HPSE2: variants seen among roughly 807,000 people sequenced by gnomAD.
HPSE2 encodes the protein inactive heparanase-2.
A neutral mutation model predicts 60.5 loss-of-function variants in HPSE2; 38 were observed. The ratio of observed to expected loss-of-function variants is 0.63; its 90% CI spans 0.48 to 0.82. HPSE2 has a LOEUF of 0.82. HPSE2 is among the 40% of genes least tolerant of loss of function. The probability of loss-of-function intolerance (pLI) is 0.00; values close to 1 mark genes in which losing one functional copy is unlikely to be tolerated. For missense variants in HPSE2, 713 were observed against 740.4 expected, an observed-to-expected ratio of 0.96 and a Z score of 0.43; for synonymous variants, 295 against 293.2, an observed-to-expected ratio of 1.01 and a Z score of -0.06.
chr10:99,244,380 C>CTTTTAT, the HPSE2 span, among the ~76,000 whole-genome samples: 34 of 101,758 alleles, frequency 3.3e-4, no homozygotes, highest in East Asian at 9.1e-3. Context: ...ATTTTTATTT[C>CTTTTAT]TTTTATTATT....
chr10:99,315,768 A>G, the HPSE2 span, among the ~76,000 whole-genome samples: 1 of 152,214 alleles, frequency 6.6e-6, no homozygotes, highest in Non-Finnish European at 1.5e-5. Flanking sequence ...GCAGAACTGC[A>G]AGTCCCAATA....
At chr10:98,908,553 C>T (rs1285232988) in intron 3 of HPSE2, among the ~76,000 whole-genome samples, 4 of 151,766 alleles carry the variant, frequency 2.6e-5, no homozygotes, top group African/African-American at 4.8e-5. Flanking sequence ...CATGGTGGTG[C>T]ATGCCTGTAA....
At chr10:99,300,218 G>A in the HPSE2 span, among the ~76,000 whole-genome samples, 2 of 152,020 alleles carry the variant, frequency 1.3e-5, no homozygotes, top group Admixed American at 1.3e-4. Context: ...GAACGCCACT[G>A]AAAGAAAGAC....
chr10:98,543,305 C>A (rs11528115), intron 9 of HPSE2, among the ~76,000 whole-genome samples: 68,760 of 151,896 alleles, frequency 0.45, 18,594 homozygotes, highest in South Asian at 0.6. Flanking sequence ...ACCAGGCCTG[C>A]CGTAAAAGAG....
chr10:98,812,871 T>C (rs988852011), intron 3 of HPSE2, among the ~76,000 whole-genome samples: 2 of 152,184 alleles, frequency 1.3e-5, no homozygotes, highest in African/African-American at 4.8e-5. Flanking sequence ...CCCTGAAAGT[T>C]CTAAATCTGT....
At chr10:99,196,755 T>C (rs1441194037) in intron 2 of HPSE2, among the ~76,000 whole-genome samples, 1 of 152,074 alleles carries the variant, frequency 6.6e-6, no homozygotes, top group Non-Finnish European at 1.5e-5. Flanking sequence ...TCCTTGTACA[T>C]TGCTGGTGCT....
intron 9 of HPSE2, among the ~76,000 whole-genome samples, chr10:98,610,496 C>T (rs1190405178): frequency 6.6e-6 from 1 of 152,128 alleles, no homozygotes; most frequent in Non-Finnish European, 1.5e-5. Flanking sequence ...TACTCCAATC[C>T]ATGACCAATG....
chr10:98,500,627 A>G (rs1050028529), intron 9 of HPSE2, among the ~76,000 whole-genome samples: 1 of 152,192 alleles, frequency 6.6e-6, no homozygotes, highest in African/African-American at 2.4e-5. Flanking sequence ...TAGAGAAGCA[A>G]GAACAAACCA....
chr10:99,125,152 CA>C (rs1436316130), intron 3 of HPSE2, among the ~76,000 whole-genome samples: 3 of 152,300 alleles, frequency 2.0e-5, no homozygotes, highest in African/African-American at 4.8e-5. Context: ...TACACACACA[CA>C]AAAACTTCCT....
intron 2 of HPSE2, among the ~76,000 whole-genome samples, chr10:99,210,161 C>T (rs1164130048): frequency 1.3e-5 from 2 of 152,038 alleles, no homozygotes; most frequent in East Asian, 1.9e-4. Flanking sequence ...GCAAGAAAAT[C>T]GAATAACCTG....
chr10:98,858,621 G>T (rs897913142), intron 3 of HPSE2, among the ~76,000 whole-genome samples: 42 of 152,066 alleles, frequency 2.8e-4, no homozygotes, highest in Non-Finnish European at 4.7e-4. Flanking sequence ...TGTGTGAAGG[G>T]TCCCAAACTC....
At position 98,928,835 on chromosome 10, in the gene HPSE2, T is replaced by C. The variant is rs1174486651; in HGVS notation, c.611-184779A>G. 3.8e-5 allele frequency among the ~76,000 whole-genome samples: 3 copies of C among 78,630 alleles called. 1 individual carries two copies. The highest frequency in any genetic ancestry group is 6.5e-5 in the Non-Finnish European group (3 of 46,244). The allele number at this position is 78,630 out of a possible 152,430, so 51.6% of individuals were successfully genotyped here. Reference sequence around the variant, plus strand: ...GGGGAACATCACACTCTGGGGACTGTTGTGGGGTGGGGGGAGGGGGGAGGG... The same window carrying C: ...GGGGAACATCACACTCTGGGGACTGCTGTGGGGTGGGGGGAGGGGGGAGGG... On this transcript the variant is annotated intron_variant, in intron 3 of 11. Transcript: ENST00000370552.
At chr10:98,876,909 T>C (rs1357190396) in intron 3 of HPSE2, among the ~76,000 whole-genome samples, 1 of 151,908 alleles carries the variant, frequency 6.6e-6, no homozygotes, top group Non-Finnish European at 1.5e-5. Flanking sequence ...AGATGACTAT[T>C]TACCTGAATC....
At chr10:99,202,565 C>T (rs1030843655) in intron 2 of HPSE2, among the ~76,000 whole-genome samples, 2 of 152,008 alleles carry the variant, frequency 1.3e-5, no homozygotes, top group African/African-American at 2.4e-5. Flanking sequence ...ATCACATGTA[C>T]CCCCAAAATA....
chr10:99,214,368 G>A (rs1849048360), intron 2 of HPSE2, among the ~76,000 whole-genome samples: 1 of 152,204 alleles, frequency 6.6e-6, no homozygotes, highest in South Asian at 2.1e-4. Flanking sequence ...ATACTCAAGA[G>A]AAGGGAAAAC....
At chr10:98,746,427 C>A (rs1949631443) in intron 3 of HPSE2, among the ~76,000 whole-genome samples, 1 of 151,960 alleles carries the variant, frequency 6.6e-6, no homozygotes, top group Non-Finnish European at 1.5e-5. Context: ...TATTCAACAT[C>A]ATTAATACAT....
intron 2 of HPSE2, among the ~76,000 whole-genome samples, chr10:99,158,411 T>A (rs1382123223): frequency 1.1e-5 from 1 of 92,688 alleles, no homozygotes; most frequent in Non-Finnish European, 2.3e-5. Flanking sequence ...CACCATGGAA[T>A]ACTATGCAGC....
intron 3 of HPSE2, among the ~76,000 whole-genome samples, chr10:98,893,982 G>C (rs1210470276): frequency 6.6e-6 from 1 of 151,962 alleles, no homozygotes; most frequent in African/African-American, 2.4e-5. Context: ...TCTTGACTTT[G>C]GCAAGAAATG....
chr10:99,101,254 C>T (rs1195485912), intron 3 of HPSE2, among the ~76,000 whole-genome samples: 1 of 152,084 alleles, frequency 6.6e-6, no homozygotes, highest in African/African-American at 2.4e-5. Flanking sequence ...ATCTCACATG[C>T]AAAGACACAC....
Sources: allele counts gnomAD v4.1 joint callset (sites outside exome capture counted in the v4.1 genomes callset), GRCh38; gene constraint gnomAD v4.1.1; transcripts MANE v1.5; gene names NCBI Gene and HGNC (gene_info 2026-07-23, HGNC 2026-07-21).